The following METTL14 variants were observed in gnomAD, a reference collection of about 807,000 sequenced individuals.
The protein encoded by METTL14 is N(6)-adenosine-methyltransferase non-catalytic subunit METTL14.
A neutral mutation model predicts 62.4 loss-of-function variants in METTL14; 32 were observed. The observed-to-expected ratio is 0.51, with a 90% confidence interval of 0.39 to 0.69. The LOEUF is 0.69. Among genes scored for constraint, METTL14 ranks in the 30% least tolerant of loss-of-function variants. METTL14 has a pLI of 0.00. For missense variants in METTL14, 340 were observed against 551.9 expected (o/e 0.62, Z 3.85); for synonymous variants, 150 against 180.0 (o/e 0.83, Z 1.34).
chr4:118,715,083 G>A lies in METTL14; in HGVS notation c.*4781G>A, dbSNP rs954998102. 1.3e-5 allele frequency: 2 copies of A among 152,226 alleles called. No individual in the cohort carries two copies. Among genetic ancestry groups the A allele is most frequent in the Non-Finnish European group, 2.9e-5 (2 of 68,052 alleles). 9.4% of individuals were successfully genotyped at this position (152,226 alleles called of 1,614,324 possible). On this transcript the variant is annotated 3_prime_UTR_variant, in exon 11 of 11. Transcript: ENST00000388822. Reference sequence around the variant, plus strand: ...TACTTTAAAATTGCCGTATAATGATGTCATTGCAAGCCATTCATCTATCCA... The same window carrying A: ...TACTTTAAAATTGCCGTATAATGATATCATTGCAAGCCATTCATCTATCCA...
intron 8 of METTL14, 33 bp from the exon 9 acceptor site, chr4:118,703,902 A>G (rs1461471341): frequency 8.0e-7 from 1 of 1,243,662 alleles, no homozygotes; most frequent in Non-Finnish European, 1.1e-6. Context: ...TCTTTAAGTT[A>G]AGGATTTGTG....
At chr4:118,702,118 CTTT>C (rs70944803) in intron 8 of METTL14, among the ~76,000 whole-genome samples, 13 of 128,662 alleles carry the variant, frequency 1.0e-4, no homozygotes, top group Admixed American at 7.9e-5. Context: ...AGGTTTTTAT[CTTT>C]TTTTTTTTTT....
At chr4:118,698,632 A>T (rs1189445197) in intron 7 of METTL14, among the ~76,000 whole-genome samples, 1 of 152,034 alleles carries the variant, frequency 6.6e-6, no homozygotes, top group African/African-American at 2.4e-5. Context: ...AGTGATTGGG[A>T]TGAGGGGAAG....
chr4:118,694,276 T>C (rs971812674), intron 5 of METTL14, among the ~76,000 whole-genome samples, 160 bp from the exon 6 acceptor site: 1 of 152,184 alleles, frequency 6.6e-6, no homozygotes, highest in Non-Finnish European at 1.5e-5. Context: ...GAAATCTGCA[T>C]ACATATTATT....
intron 7 of METTL14, among the ~76,000 whole-genome samples, chr4:118,697,865 A>C (rs1283423850): frequency 6.6e-6 from 1 of 152,024 alleles, no homozygotes; most frequent in African/African-American, 2.4e-5. Flanking sequence ...AGGAGGTGAC[A>C]CCTGAACAAT....
In METTL14 at chr4:118,688,016, G is replaced by A; in HGVS notation, c.155+5G>A. On this transcript the variant is annotated splice_donor_5th_base_variant and intron_variant, in intron 2 of 10. Coordinates refer to ENST00000388822, the MANE Select transcript of METTL14 (RefSeq NM_020961.4). ...TGAAACAAGAGAAACTTGCAGGTCAGTCAGATAATTCTTTTTTTTTTTTTT... is the reference window on the plus strand; with the variant it reads ...TGAAACAAGAGAAACTTGCAGGTCAATCAGATAATTCTTTTTTTTTTTTTT... 6.7e-7 allele frequency: 1 copy of A among 1,484,970 alleles called. No individual in the cohort carries two copies. 92.0% of individuals were successfully genotyped at this position (1,484,970 alleles called of 1,614,324 possible).
At chr4:118,708,513 T>C (rs1454977590) in intron 10 of METTL14, among the ~76,000 whole-genome samples, 1 of 152,194 alleles carries the variant, frequency 6.6e-6, no homozygotes. Flanking sequence ...TGCCAGGTAA[T>C]ACATAAAAGA....
chr4:118,687,014 G>A (rs936216369), intron 1 of METTL14, among the ~76,000 whole-genome samples: 1 of 152,210 alleles, frequency 6.6e-6, no homozygotes, highest in Admixed American at 6.5e-5. Context: ...CTTAGCTTGA[G>A]TAAAACTGGA....
chr4:118,689,763 C>G (rs552856419), intron 3 of METTL14, among the ~76,000 whole-genome samples: 2 of 151,668 alleles, frequency 1.3e-5, no homozygotes, highest in South Asian at 2.1e-4. Context: ...TCTGCCTCAG[C>G]CTCCCAAGTA....
rs1000909806 is a variant in METTL14 at position 118,687,999 on chromosome 4, G to A, written c.143G>A (p.Arg48Lys). ...GAGCAGAGAGAAATTGCTGAAACAA[G>A]AGAAACTTGCAGGTCAGTCAGATAA... ...KDEQREIAET[R>K]ETCRASYDTS... is the part of the protein sequence containing the mutation. Residue 48 changes from arginine to lysine, a missense_variant, in exon 2 of 11, where the codon AGA (arginine) becomes AAA (lysine). Physicochemically the swap from Arg to Lys is conservative, Grantham distance 26. Around this residue, in one of 7 missense-constraint regions of METTL14, gnomAD observed 111 missense variants for 116.6 expected, o/e 0.95. Coordinates refer to ENST00000388822, the MANE Select transcript of METTL14 (RefSeq NM_020961.4). 1.9e-6 allele frequency: 3 copies of A among 1,605,022 alleles called. No homozygotes were observed. In the African/African-American group the frequency reaches 4.0e-5, roughly 22 times the overall value.
intron 2 of METTL14, among the ~76,000 whole-genome samples, chr4:118,689,127 A>G (rs953712726): frequency 2.6e-5 from 4 of 152,136 alleles, no homozygotes; most frequent in African/African-American, 7.2e-5. Context: ...ATATAAATTT[A>G]TTTTCAATAT....
At chr4:118,686,844 A>C (rs1343564639) in intron 1 of METTL14, 2 of 291,858 alleles carry the variant, frequency 6.9e-6, no homozygotes, top group Non-Finnish European at 1.4e-5. Flanking sequence ...TCTACCTTTT[A>C]AAGTCTTTTA....
chr4:118,691,728 TATAAA>T, intron 4 of METTL14, 116 bp downstream of exon 4: 1 of 606,014 alleles, frequency 1.7e-6, no homozygotes, highest in Admixed American at 3.8e-5. Context: ...GGATCATTGT[TATAAA>T]ATAAAGATTA....
At chr4:118,697,158 A>G (rs1724436748) in intron 6 of METTL14, 24 bp from the exon 7 acceptor site, 8 of 1,551,876 alleles carry the variant, frequency 5.2e-6, no homozygotes, top group Non-Finnish European at 6.1e-6. Context: ...TAAAAACCTC[A>G]TTTTTAATGC....
At chr4:118,691,378 A>G (rs1724242374) in intron 3 of METTL14, among the ~76,000 whole-genome samples, 154 bp from the exon 4 acceptor site, 1 of 152,188 alleles carries the variant, frequency 6.6e-6, no homozygotes, top group South Asian at 2.1e-4. Flanking sequence ...TAGATCTAAT[A>G]ATGGGAAAGC....
chr4:118,701,632 A>G (rs1290643283), intron 8 of METTL14, among the ~76,000 whole-genome samples: 1 of 152,230 alleles, frequency 6.6e-6, no homozygotes, highest in East Asian at 1.9e-4. Flanking sequence ...GGGCAAAAAG[A>G]TACTCACTCT....
At chr4:118,687,814 T>C (rs1450524141) in intron 1 of METTL14, 109 bp from the exon 2 acceptor site, 1 of 709,280 alleles carries the variant, frequency 1.4e-6, no homozygotes, top group Non-Finnish European at 2.4e-6. Context: ...TGTGTGTGAA[T>C]TAAGGTGTTT....
At chr4:118,699,994 C>A (rs888701687) in intron 7 of METTL14, among the ~76,000 whole-genome samples, 3 of 151,508 alleles carry the variant, frequency 2.0e-5, no homozygotes, top group Non-Finnish European at 4.4e-5. Context: ...ATTAAAGTAC[C>A]AACACTTAAC....
At position 118,700,976 on chromosome 4, in the gene METTL14, G is replaced by C. The variant is rs368087459; in HGVS notation, c.738+334G>C. ...ACAATTCTTTATGAGTAGCTAAAAA[G>C]TGTTCTATGAGTAGCTAAAAGTATT... On this transcript the variant is annotated intron_variant, in intron 8 of 10. Transcript: ENST00000388822. 2.2e-4 allele frequency among the ~76,000 whole-genome samples: 34 copies of C among 152,174 alleles called. No individual in the cohort carries two copies. In the East Asian group the frequency reaches 6.0e-3, roughly 27 times the overall value.
Sources: allele counts gnomAD v4.1 joint callset (sites outside exome capture counted in the v4.1 genomes callset), GRCh38; gene constraint gnomAD v4.1.1; regional missense constraint gnomAD v4.1.1; transcripts MANE v1.5; gene names NCBI Gene and HGNC (gene_info 2026-07-23, HGNC 2026-07-21).